The following TTC14 variants were observed in gnomAD, a reference collection of about 807,000 sequenced individuals.
TTC14 encodes tetratricopeptide repeat domain 14.
In TTC14, 63 loss-of-function variants were observed where a neutral mutation model predicts 79.9. The ratio of observed to expected loss-of-function variants is 0.79; its 90% CI spans 0.64 to 0.97. The LOEUF is 0.97. Ranked by LOEUF, TTC14 falls within the 50% of genes least tolerant of loss-of-function variation. The pLI, the probability that TTC14 is intolerant of heterozygous loss-of-function variation, is 0.00. For missense variants in TTC14, 895 were observed against 894.0 expected, an observed-to-expected ratio of 1.00 and a Z score of -0.01; for synonymous variants, 335 against 309.6, an observed-to-expected ratio of 1.08 and a Z score of -0.86.
chr3:180,604,967 G>A lies in TTC14; in HGVS notation c.817G>A (p.Asp273Asn). The change falls in exon 6 of 12, where the codon GAT (aspartate) becomes AAT (asparagine). Residue 273 changes from aspartate to asparagine, a missense_variant. Transcript: ENST00000296015. ...VEFLLEKLGIDESNPPSLMRG... is the reference protein window; with the variant it reads ...VEFLLEKLGINESNPPSLMRG... The stretch of plus-strand genomic sequence containing the variant: ...ATTCCTTCTAGAAAAACTAGGAATA[G>A]ATGAATCTAATCCACCATCTTTAAT... 1 of 1,613,958 alleles carries A rather than the reference G, an allele frequency of 6.2e-7. No individual in the cohort carries two copies. The highest frequency in any genetic ancestry group is 2.2e-5 in the East Asian group (1 of 44,862).
chr3:180,605,014 T>TAC lies in TTC14; in HGVS notation c.857+9_857+10dup. ...TAATGAGAGGCCTACAAAGGTATAGTACATCAGTATTACTCTTAGATGGTG... is the reference window on the plus strand; with the variant it reads ...TAATGAGAGGCCTACAAAGGTATAGTACACATCAGTATTACTCTTAGATGGTG... On this transcript the variant is annotated splice_region_variant and intron_variant, in intron 6 of 11. Coordinates refer to ENST00000296015, the MANE Select transcript of TTC14 (RefSeq NM_133462.4). The TAC allele has an allele frequency of 6.2e-7, 1 of 1,607,592 alleles. No homozygotes were observed. The highest frequency in any genetic ancestry group is 1.1e-5 in the South Asian group (1 of 90,416).
chr3:180,608,649 A>G, intron 10 of TTC14, 52 bp from the exon 11 acceptor site: 1 of 1,437,612 alleles, frequency 7.0e-7, no homozygotes, highest in South Asian at 1.6e-5. Context: ...TGGGTTTTAT[A>G]TATTCTGCTA....
At chr3:180,606,947 T>C (rs1231336898) in intron 9 of TTC14, among the ~76,000 whole-genome samples, 2 of 152,152 alleles carry the variant, frequency 1.3e-5, no homozygotes, top group East Asian at 3.8e-4. Flanking sequence ...TAGTAACTAC[T>C]TATATGTGGT....
At position 180,609,833 on chromosome 3, in the gene TTC14, A is replaced by C; in HGVS notation, c.1604A>C (p.Glu535Ala). The stretch of plus-strand genomic sequence containing the variant: ...CAGATAGATCAGAATAGGAAAGATG[A>C]GTGCTACCCAGTTCCAGCTAATACT... Reference protein sequence around the residue: ...SNQIDQNRKDECYPVPANTSA... With the variant: ...SNQIDQNRKDACYPVPANTSA... Residue 535 changes from glutamate (E) to alanine (A), a missense_variant, in exon 12 of 12, where the codon GAG (glutamate) becomes GCG (alanine). By Grantham distance (107) the Glu-to-Ala change is moderately radical. Coordinates refer to ENST00000296015, the MANE Select transcript of TTC14 (RefSeq NM_133462.4). The C allele has an allele frequency of 6.2e-7, 1 of 1,613,376 alleles. No individual in the cohort carries two copies. Among genetic ancestry groups the C allele is most frequent in the East Asian group, 2.2e-5 (1 of 44,854 alleles).
chr3:180,615,239 A>C (rs572624843), downstream of TTC14, among the ~76,000 whole-genome samples: 2 of 152,292 alleles, frequency 1.3e-5, no homozygotes, highest in South Asian at 4.1e-4. Context: ...GATATCAAAC[A>C]ATTTAAACAG....
intron 5 of TTC14, 76 bp downstream of exon 5, chr3:180,604,683 C>T (rs565650845): frequency 1.6e-5 from 24 of 1,490,806 alleles, no homozygotes; most frequent in South Asian, 9.2e-5. Flanking sequence ...ATTTTTATAA[C>T]GGTTAAATTA....
chr3:180,608,731 GA>G lies in TTC14; in HGVS notation c.1325del (p.Lys442ArgfsTer10). ...KSLELREKQA[E>X]KEEKQKTKKI... The stretch of plus-strand genomic sequence containing the variant: ...TTTGGAATTAAGAGAAAAACAAGCT[GA>G]AAAGGAAGAAAAGCAGAAAACAAAG... On this transcript the variant is annotated frameshift_variant, in exon 11 of 12. Coordinates refer to ENST00000296015, the MANE Select transcript of TTC14 (RefSeq NM_133462.4). LOFTEE classifies it high-confidence loss of function. 1 of 1,545,360 alleles carries G rather than the reference GA, an allele frequency of 6.5e-7. No individual in the cohort carries two copies. Among genetic ancestry groups the G allele is most frequent in the Non-Finnish European group, 8.7e-7 (1 of 1,150,024 alleles).
At chr3:180,609,425 T>G in intron 11 of TTC14, 1 of 1,264,334 alleles carries the variant, frequency 7.9e-7, no homozygotes, top group Non-Finnish European at 9.9e-7. Flanking sequence ...ATGGATTTGC[T>G]TACAATGATA....
At chr3:180,609,023 CTTAGAA>C (rs1007426731) in intron 11 of TTC14, 2 of 1,050,482 alleles carry the variant, frequency 1.9e-6, no homozygotes, top group African/African-American at 3.3e-5. Context: ...AAAAGAGTAT[CTTAGAA>C]TTAAAATATA....
chr3:180,613,970 T>C (rs1296236456), downstream of TTC14: 3 of 389,164 alleles, frequency 7.7e-6, no homozygotes, highest in Admixed American at 3.5e-5. Flanking sequence ...GTAATGAGCA[T>C]TTTTTCCCAA....
At chr3:180,614,657 G>A (rs946002768), downstream of TTC14, 4 of 333,264 alleles carry the variant, frequency 1.2e-5, no homozygotes, top group Non-Finnish European at 2.2e-5. Context: ...CTAACACTAC[G>A]AACATCAGAA....
chr3:180,602,531 C>G, intron 1 of TTC14, 109 bp downstream of exon 1: 1 of 1,393,468 alleles, frequency 7.2e-7, no homozygotes, highest in Non-Finnish European at 9.5e-7. Flanking sequence ...CGGCCGTGAG[C>G]ACAGGACGAT....
chr3:180,602,897 GAA>G lies in TTC14; in HGVS notation c.169_170del (p.Lys57GlufsTer3). The G allele has an allele frequency of 5.0e-6, 8 of 1,606,606 alleles. No individual in the cohort carries two copies. Among genetic ancestry groups the G allele is most frequent in the Non-Finnish European group, 6.8e-6 (8 of 1,178,202 alleles). On this transcript the variant is annotated frameshift_variant, in exon 2 of 12. Transcript: ENST00000296015. LOFTEE classifies it high-confidence loss of function. ...PQHPLQGRKE[K>X]RVDNIEIQKF... ...ATATTTTTTTCTTTTTAAGAAAAGAGAAGAGAGTTGACAACATCGAGATACAG... is the reference window on the plus strand; with the variant it reads ...ATATTTTTTTCTTTTTAAGAAAAGAGGAGAGTTGACAACATCGAGATACAG...
rs200677932 is a variant in TTC14 at position 180,609,702 on chromosome 3, A to G, written c.1473A>G (p.Ser491=). The G allele has an allele frequency of 4.9e-4, 785 of 1,611,706 alleles. No individual in the cohort carries two copies. Among genetic ancestry groups the G allele is most frequent in the Non-Finnish European group, 5.7e-4 (672 of 1,179,408 alleles). Residue 491 remains serine (S), a synonymous_variant, in exon 12 of 12, where the codon TCA becomes TCG. Transcript: ENST00000296015. ...CTGCTGATGAATCAGTGTCTTCATCATCATCCTCTTCCTCTTCTGGTCACA... is the reference window on the plus strand; with the variant it reads ...CTGCTGATGAATCAGTGTCTTCATCGTCATCCTCTTCCTCTTCTGGTCACA... ...VSSADESVSS[S]SSSSSSGHKR...
chr3:180,609,164 A>C, intron 11 of TTC14: 5 of 653,920 alleles, frequency 7.6e-6, no homozygotes, highest in Non-Finnish European at 9.6e-6. Context: ...TTTGATTGCC[A>C]TAACTGATAG....
chr3:180,608,287 T>A, intron 10 of TTC14: 1 of 987,334 alleles, frequency 1.0e-6, no homozygotes, highest in Non-Finnish European at 1.2e-6. Context: ...TATTTGAACA[T>A]GGTGATTCCT....
intron 7 of TTC14, 127 bp from the exon 8 acceptor site, chr3:180,606,126 G>A (rs746698796): frequency 3.0e-6 from 4 of 1,317,396 alleles, no homozygotes; most frequent in Non-Finnish European, 3.1e-6. Flanking sequence ...TAGGTATATT[G>A]TGAGTACTCT....
chr3:180,609,940 A>G lies in TTC14; in HGVS notation c.1711A>G (p.Ile571Val), dbSNP rs199993106. Reference protein sequence around the residue: ...QDRLQYEKTQIKEKDRCPLSS... With the variant: ...QDRLQYEKTQVKEKDRCPLSS... Reference sequence around the variant, plus strand: ...TAGGTTACAGTATGAAAAGACACAGATAAAAGAGAAAGATAGATGCCCTCT... The same window carrying G: ...TAGGTTACAGTATGAAAAGACACAGGTAAAAGAGAAAGATAGATGCCCTCT... The change falls in exon 12 of 12, where the codon ATA becomes GTA. Residue 571 changes from isoleucine to valine, a missense_variant. Coordinates refer to ENST00000296015, the MANE Select transcript of TTC14 (RefSeq NM_133462.4). 1.2e-6 allele frequency: 2 copies of G among 1,614,094 alleles called. No individual in the cohort carries two copies. The highest frequency in any genetic ancestry group is 4.5e-5 in the East Asian group (2 of 44,862).
Position 180,604,616 on chromosome 3 carries a change from T to C in TTC14, c.701+9T>C. 6.3e-7 allele frequency: 1 copy of C among 1,591,242 alleles called. No homozygotes were observed. Among genetic ancestry groups the C allele is most frequent in the Non-Finnish European group, 8.5e-7 (1 of 1,173,472 alleles). Reference sequence around the variant, plus strand: ...CTTCCTTTATACTACAGGTAATTTATCCGTATTATTTCAACAACAGTTCAT... The same window carrying C: ...CTTCCTTTATACTACAGGTAATTTACCCGTATTATTTCAACAACAGTTCAT... On this transcript the variant is annotated intron_variant, in intron 5 of 11. Coordinates refer to ENST00000296015, the MANE Select transcript of TTC14 (RefSeq NM_133462.4).
Sources: allele counts gnomAD v4.1 joint callset (sites outside exome capture counted in the v4.1 genomes callset), GRCh38; gene constraint gnomAD v4.1.1; transcripts MANE v1.5; gene names NCBI Gene and HGNC (gene_info 2026-07-23, HGNC 2026-07-21).